The following EML4 variants were observed in gnomAD, a reference collection of about 807,000 sequenced individuals.
EML4 encodes echinoderm microtubule-associated protein-like 4.
EML4 carries 72 observed loss-of-function variants against 129.0 expected under a neutral mutation model. The ratio of observed to expected loss-of-function variants is 0.56; its 90% CI spans 0.46 to 0.68. The LOEUF is 0.68. Ranked by LOEUF, EML4 falls within the 30% of genes least tolerant of loss-of-function variation. EML4 has a pLI of 0.00. For missense variants in EML4, 1,363 were observed against 1,190.6 expected, an observed-to-expected ratio of 1.14 and a Z score of -2.13; for synonymous variants, 532 against 405.0, an observed-to-expected ratio of 1.31 and a Z score of -3.77.
chr2:42,256,738 G>T (rs1439280583), intron 3 of EML4, 108 bp downstream of exon 3: 2 of 1,355,736 alleles, frequency 1.5e-6, no homozygotes, highest in Non-Finnish European at 2.0e-6. Flanking sequence ...ATTCAAGTGA[G>T]CATGTCCTTT....
intron 1 of EML4, among the ~76,000 whole-genome samples, chr2:42,176,102 C>G (rs1310781345): frequency 6.6e-6 from 1 of 151,438 alleles, no homozygotes; most frequent in Admixed American, 6.6e-5. Flanking sequence ...ATACCTGAAT[C>G]TGAACTTCTC....
At chr2:42,171,326 T>C (rs1670264796) in intron 1 of EML4, among the ~76,000 whole-genome samples, 1 of 152,248 alleles carries the variant, frequency 6.6e-6, no homozygotes. Context: ...GTCCTCATCC[T>C]GTAGGAGTGG....
intron 1 of EML4, chr2:42,207,973 AT>A (rs1461786135): frequency 6.6e-6 from 1 of 152,234 alleles, no homozygotes; most frequent in Non-Finnish European, 1.5e-5. Context: ...GTATTTGGAT[AT>A]GAGTATGCTA....
Position 42,330,474 on chromosome 2 carries a change from G to C in EML4, c.*267G>C, listed in dbSNP as rs1379471434. 1.9e-6 allele frequency: 1 copy of C among 540,334 alleles called. No homozygotes were observed. The highest frequency in any genetic ancestry group is 1.9e-5 in the African/African-American group (1 of 53,024). The allele number at this position is 540,334 out of a possible 1,614,324, so 33.5% of individuals were successfully genotyped here. A position where few individuals can be genotyped will look rare whatever the true frequency, so the allele number is the denominator to read the frequency against. On this transcript the variant is annotated 3_prime_UTR_variant, in exon 23 of 23. Transcript: ENST00000318522. ...GTCTCACAAATTACTGTGTACCTAA[G>C]TGGTGTGATGTAAATACTGGAAACA... is the stretch of plus-strand genomic sequence containing the variant.
At chr2:42,260,423 C>A (rs1665658113) in intron 3 of EML4, among the ~76,000 whole-genome samples, 1 of 152,214 alleles carries the variant, frequency 6.6e-6, no homozygotes, top group Admixed American at 6.5e-5. Flanking sequence ...GCCTCGCCCT[C>A]CCAAAGTGCT....
chr2:42,282,350 G>T (rs1357876397), intron 7 of EML4, among the ~76,000 whole-genome samples: 2 of 148,994 alleles, frequency 1.3e-5, no homozygotes, highest in African/African-American at 4.9e-5. Flanking sequence ...GTCAGGTTAC[G>T]CTAGGGATAA....
intron 4 of EML4, chr2:42,261,634 T>G: frequency 5.9e-6 from 1 of 168,288 alleles, no homozygotes; most frequent in Non-Finnish European, 1.3e-5. Flanking sequence ...ATGCATAAAT[T>G]TATAGCCATG....
At chr2:42,312,415 G>C (rs1669010618) in intron 17 of EML4, among the ~76,000 whole-genome samples, 1 of 152,042 alleles carries the variant, frequency 6.6e-6, no homozygotes, top group Non-Finnish European at 1.5e-5. Flanking sequence ...CAGCCCTTAA[G>C]TCTGATAAGA....
intron 1 of EML4, among the ~76,000 whole-genome samples, chr2:42,175,913 C>G (rs1036097003): frequency 2.0e-5 from 3 of 152,016 alleles, no homozygotes; most frequent in African/African-American, 7.2e-5. Context: ...TGTTCTTAGT[C>G]TTTTCCTATG....
chr2:42,252,125 A>G (rs985785639), intron 2 of EML4, among the ~76,000 whole-genome samples: 2 of 152,232 alleles, frequency 1.3e-5, no homozygotes, highest in Admixed American at 1.3e-4. Flanking sequence ...GAAGGATTTC[A>G]GATTTTGAGC....
At chr2:42,260,798 T>C (rs1665683154) in intron 3 of EML4, among the ~76,000 whole-genome samples, 1 of 152,226 alleles carries the variant, frequency 6.6e-6, no homozygotes. Flanking sequence ...TCCTCTGATT[T>C]GGGTAACTTG....
At chr2:42,227,890 C>T (rs1008954767) in intron 1 of EML4, among the ~76,000 whole-genome samples, 8 of 152,046 alleles carry the variant, frequency 5.3e-5, no homozygotes, top group Middle Eastern at 3.4e-3. Context: ...TCCGGTCAAC[C>T]GCAGGCTATT....
chr2:42,258,247 T>G lies in EML4; in HGVS notation c.338+1617T>G, dbSNP rs141543058. On this transcript the variant is annotated intron_variant, in intron 3 of 22. Coordinates refer to ENST00000318522, the MANE Select transcript of EML4 (RefSeq NM_019063.5). ...CATAAAACTAGTGACCTCTGTAATC[T>G]TGTTGAAGAATCGCAAGGAAGAAGT... 8.8e-3 allele frequency among the ~76,000 whole-genome samples: 1,333 copies of G among 152,296 alleles called. 19 individuals are homozygous for G. The highest frequency in any genetic ancestry group is 0.031 in the African/African-American group (1,282 of 41,556).
intron 2 of EML4, among the ~76,000 whole-genome samples, chr2:42,249,391 C>G (rs181458159): frequency 1.3e-5 from 2 of 151,804 alleles, no homozygotes; most frequent in East Asian, 3.9e-4. Context: ...TTTACATTTT[C>G]TAGAGGATTT....
intron 1 of EML4, among the ~76,000 whole-genome samples, chr2:42,182,515 C>T (rs79448841): frequency 0.04 from 6,048 of 152,174 alleles, 198 homozygotes; most frequent in South Asian, 0.15. Context: ...GAATGACCTC[C>T]TTACACACTT....
intron 1 of EML4, among the ~76,000 whole-genome samples, chr2:42,238,367 G>A (rs1467719725): frequency 2.0e-5 from 3 of 152,164 alleles, no homozygotes; most frequent in African/African-American, 7.2e-5. Flanking sequence ...AAATTAGATT[G>A]GAAAGGGAGC....
At chr2:42,254,611 T>TAAAAA (rs1676000313) in intron 2 of EML4, among the ~76,000 whole-genome samples, 2 of 83,182 alleles carry the variant, frequency 2.4e-5, no homozygotes, top group African/African-American at 4.7e-5. Flanking sequence ...CTTAATACCC[T>TAAAAA]CTTGAGTTTT....
chr2:42,279,580 C>T (rs1666889479), intron 6 of EML4, among the ~76,000 whole-genome samples: 1 of 152,020 alleles, frequency 6.6e-6, no homozygotes, highest in African/African-American at 2.4e-5. Flanking sequence ...GCCTCAGCCT[C>T]CCAAGTAGCT....
chr2:42,287,204 A>G (rs933871876), intron 10 of EML4, among the ~76,000 whole-genome samples: 1 of 152,196 alleles, frequency 6.6e-6, no homozygotes, highest in Admixed American at 6.5e-5. Context: ...TAGAGCAGAA[A>G]GATAAATTTT....
Sources: allele counts gnomAD v4.1 joint callset (sites outside exome capture counted in the v4.1 genomes callset), GRCh38; gene constraint gnomAD v4.1.1; transcripts MANE v1.5; gene names NCBI Gene and HGNC (gene_info 2026-07-23, HGNC 2026-07-21).